TENM2: variants seen among roughly 807,000 people sequenced by gnomAD.
TENM2 encodes the protein teneurin-2.
In TENM2, 52 loss-of-function variants were observed where a neutral mutation model predicts 245.2. The observed-to-expected ratio is 0.21, with a 90% CI of 0.17 to 0.27. TENM2 has a LOEUF of 0.27. Ranked by LOEUF, TENM2 falls within the 10% of genes least tolerant of loss-of-function variation. The pLI is 1.00. For missense variants in TENM2, 3,046 were observed against 3,666.8 expected (o/e 0.83, Z 4.37); for synonymous variants, 1,363 against 1,438.9 (o/e 0.95, Z 1.19).
chr5:167,607,275 T>G (rs1402663905), intron 2 of TENM2, among the ~76,000 whole-genome samples: 1 of 152,184 alleles, frequency 6.6e-6, no homozygotes, highest in Non-Finnish European at 1.5e-5. Flanking sequence ...AGAGACTGAA[T>G]GCCCCACTGA....
intron 8 of TENM2, among the ~76,000 whole-genome samples, chr5:168,097,140 G>A (rs554157086): frequency 8.5e-5 from 13 of 152,252 alleles, no homozygotes; most frequent in African/African-American, 3.1e-4. Context: ...AGCAGTCTAT[G>A]CATTTGGGTT....
At chr5:167,640,870 T>TATATATATATATATATATCC (rs1779535129) in intron 2 of TENM2, among the ~76,000 whole-genome samples, 2 of 40,412 alleles carry the variant, frequency 4.9e-5, no homozygotes, top group East Asian at 1.2e-3. Flanking sequence ...CATATATATA[T>TATATATATATATATATATCC]ATATATATAT....
At chr5:168,020,575 A>G (rs1357071533) in intron 5 of TENM2, among the ~76,000 whole-genome samples, 1 of 152,240 alleles carries the variant, frequency 6.6e-6, no homozygotes, top group South Asian at 2.1e-4. Flanking sequence ...TTGATTTTTC[A>G]GCAGCTTAGG....
At chr5:167,061,132 A>AC in the TENM2 span, among the ~76,000 whole-genome samples, 1 of 151,328 alleles carries the variant, frequency 6.6e-6, no homozygotes, top group African/African-American at 2.4e-5. Flanking sequence ...ATGCATACGC[A>AC]CCCCCCACAC....
chr5:168,079,626 G>A (rs1791799897), intron 7 of TENM2, among the ~76,000 whole-genome samples: 2 of 152,128 alleles, frequency 1.3e-5, no homozygotes, highest in South Asian at 4.1e-4. Context: ...TTTATTGAGA[G>A]TTTTTAGCAT....
intron 2 of TENM2, among the ~76,000 whole-genome samples, chr5:167,376,675 T>A (rs2127317128): frequency 6.6e-6 from 1 of 152,340 alleles, no homozygotes; most frequent in African/African-American, 2.4e-5. Context: ...TATGCCTCCG[T>A]TCATGTAGCT....
At chr5:168,105,921 A>C (rs562390254) in intron 9 of TENM2, among the ~76,000 whole-genome samples, 4 of 152,204 alleles carry the variant, frequency 2.6e-5, no homozygotes, top group African/African-American at 7.2e-5. Context: ...TTTTATGTGA[A>C]GGCTTTAACT....
intron 2 of TENM2, among the ~76,000 whole-genome samples, chr5:167,515,620 C>CAT (rs1184519406): frequency 9.1e-6 from 1 of 109,394 alleles, no homozygotes; most frequent in African/African-American, 3.8e-5. Context: ...TATATATATA[C>CAT]ATATATATAC....
chr5:167,836,802 A>G (rs1168910288), intron 2 of TENM2, among the ~76,000 whole-genome samples: 1 of 152,154 alleles, frequency 6.6e-6, no homozygotes, highest in Non-Finnish European at 1.5e-5. Flanking sequence ...AAAAATGATC[A>G]TAAAGTGCTT....
intron 2 of TENM2, among the ~76,000 whole-genome samples, chr5:167,471,657 C>T (rs1158134459): frequency 6.6e-6 from 1 of 152,164 alleles, no homozygotes; most frequent in Non-Finnish European, 1.5e-5. Flanking sequence ...TTCAACAGAA[C>T]AGCGTGGCAG....
chr5:167,337,122 T>A (rs1397446342), intron 1 of TENM2, among the ~76,000 whole-genome samples: 1 of 28,474 alleles, frequency 3.5e-5, no homozygotes. Flanking sequence ...AGACTCCGTC[T>A]CAAAAAAAAA....
At chr5:167,952,541 G>C (rs759585602) in intron 3 of TENM2, 47 bp from the exon 6 acceptor site, 2 of 1,488,254 alleles carry the variant, frequency 1.3e-6, no homozygotes, top group Admixed American at 1.9e-5. Flanking sequence ...GAGTGCCTGA[G>C]ACTGGAATTT....
chr5:168,234,961 AT>A (rs1322200789), intron 25 of TENM2, among the ~76,000 whole-genome samples: 1 of 152,176 alleles, frequency 6.6e-6, no homozygotes, highest in African/African-American at 2.4e-5. Flanking sequence ...TTAATATGAC[AT>A]TGCAATTACG....
At chr5:167,043,778 G>A in the TENM2 span, among the ~76,000 whole-genome samples, 3 of 152,164 alleles carry the variant, frequency 2.0e-5, no homozygotes, top group African/African-American at 4.8e-5. Context: ...TTGGGAGGCC[G>A]AGGCGTGATC....
At chr5:167,737,478 G>GA (rs1760883243) in intron 2 of TENM2, among the ~76,000 whole-genome samples, 1 of 152,226 alleles carries the variant, frequency 6.6e-6, no homozygotes, top group Non-Finnish European at 1.5e-5. Context: ...CTCCCAGGAA[G>GA]AGAGAACCCA....
chr5:167,920,154 GATAA>G (rs2151630554), intron 3 of TENM2, among the ~76,000 whole-genome samples: 1 of 152,054 alleles, frequency 6.6e-6, no homozygotes, highest in African/African-American at 2.4e-5. Context: ...GGTGGCTTCT[GATAA>G]ATGAATGAGG....
intron 2 of TENM2, among the ~76,000 whole-genome samples, chr5:167,394,548 A>C (rs1182238074): frequency 2.0e-5 from 3 of 152,058 alleles, no homozygotes; most frequent in Non-Finnish European, 2.9e-5. Flanking sequence ...ACATAGACTT[A>C]TAAATAAATA....
intron 2 of TENM2, among the ~76,000 whole-genome samples, chr5:167,540,517 C>T (rs1054481470): frequency 6.6e-6 from 1 of 152,166 alleles, no homozygotes; most frequent in Non-Finnish European, 1.5e-5. Flanking sequence ...CATGCTCATT[C>T]GTTTATGTAC....
At chr5:167,637,087 AT>A (rs1318381082) in intron 2 of TENM2, among the ~76,000 whole-genome samples, 1 of 152,210 alleles carries the variant, frequency 6.6e-6, no homozygotes, top group Non-Finnish European at 1.5e-5. Flanking sequence ...ATCATCTATG[AT>A]TTAAATACGG....
Sources: allele counts gnomAD v4.1 joint callset (sites outside exome capture counted in the v4.1 genomes callset), GRCh38; gene constraint gnomAD v4.1.1; transcripts MANE v1.5; gene names NCBI Gene and HGNC (gene_info 2026-07-23, HGNC 2026-07-21).